Variants in FBXO11 observed in about 807,000 individuals in gnomAD.
FBXO11 encodes F-box protein 11, also known as F-box only protein 11.
In FBXO11, 13 loss-of-function variants were observed where a neutral mutation model predicts 117.0. The ratio of observed to expected loss-of-function variants is 0.11; its 90% CI spans 0.07 to 0.18. The LOEUF is 0.18. Among genes scored for constraint, FBXO11 ranks in the 10% least tolerant of loss-of-function variants. FBXO11 has a pLI of 1.00. For synonymous variants in FBXO11, 490 were observed against 380.5 expected (o/e 1.29, Z -3.35); for missense variants, 767 against 1,164.4 (o/e 0.66, Z 4.97).
At chr2:47,830,210 G>GA (rs765773790) in intron 11 of FBXO11, among the ~76,000 whole-genome samples, 1 of 151,858 alleles carries the variant, frequency 6.6e-6, no homozygotes, top group Non-Finnish European at 1.5e-5. Context: ...AAAGAAGAAA[G>GA]AAAAAAACCC....
chr2:47,848,736 C>G (rs1348548431), intron 1 of FBXO11, among the ~76,000 whole-genome samples: 1 of 152,076 alleles, frequency 6.6e-6, no homozygotes, highest in East Asian at 1.9e-4. Flanking sequence ...AAAAAATAAT[C>G]TCTGACATCT....
chr2:47,887,351 T>A (rs1298864194), intron 1 of FBXO11, among the ~76,000 whole-genome samples: 3 of 151,438 alleles, frequency 2.0e-5, no homozygotes, highest in Admixed American at 6.6e-5. Flanking sequence ...TTTTTTCTTT[T>A]CAAAAGAACC....
At chr2:47,884,689 A>G (rs1400174491) in intron 1 of FBXO11, among the ~76,000 whole-genome samples, 1 of 152,230 alleles carries the variant, frequency 6.6e-6, no homozygotes. Context: ...TGTTCCTTAC[A>G]GTGTAACTTC....
At chr2:47,846,661 A>C (rs554794668) in intron 1 of FBXO11, among the ~76,000 whole-genome samples, 1 of 152,318 alleles carries the variant, frequency 6.6e-6, no homozygotes, top group South Asian at 2.1e-4. Flanking sequence ...AATAGAACGC[A>C]ATCCACATAT....
At chr2:47,839,069 GTTT>G in intron 3 of FBXO11, 66 bp from the exon 4 acceptor site, 1 of 1,467,940 alleles carries the variant, frequency 6.8e-7, no homozygotes, top group East Asian at 2.4e-5. Flanking sequence ...AAAGAACACA[GTTT>G]TCATTTTATC....
chr2:47,847,633 CAGG>C (rs1282492067), intron 1 of FBXO11, among the ~76,000 whole-genome samples: 1 of 151,876 alleles, frequency 6.6e-6, no homozygotes, highest in African/African-American at 2.4e-5. Context: ...CGCTTGAACC[CAGG>C]AGGTTGCAGT....
intron 5 of FBXO11, among the ~76,000 whole-genome samples, chr2:47,835,084 T>C (rs776886752): frequency 1.7e-4 from 26 of 152,230 alleles, no homozygotes; most frequent in African/African-American, 6.0e-4. Context: ...AATCTCAGCA[T>C]TACTGATATT....
chr2:47,898,566 G>C (rs948264732), intron 1 of FBXO11, among the ~76,000 whole-genome samples: 2 of 152,170 alleles, frequency 1.3e-5, no homozygotes, highest in African/African-American at 4.8e-5. Context: ...TGTATAATGA[G>C]TGCTTAATGA....
At chr2:47,864,741 T>A (rs1675066068) in intron 1 of FBXO11, among the ~76,000 whole-genome samples, 1 of 152,192 alleles carries the variant, frequency 6.6e-6, no homozygotes, top group Admixed American at 6.5e-5. Context: ...ACTTACTCAC[T>A]AGGGCAATGA....
At chr2:47,818,582 G>A (rs781017944) in intron 16 of FBXO11, 197 bp downstream of exon 16, 4 of 517,620 alleles carry the variant, frequency 7.7e-6, no homozygotes, top group Non-Finnish European at 1.4e-5. Context: ...TATGGCACAT[G>A]TGCCAGTGGC....
chr2:47,897,234 T>C (rs1189735707), intron 1 of FBXO11, among the ~76,000 whole-genome samples: 2 of 152,144 alleles, frequency 1.3e-5, no homozygotes, highest in Admixed American at 6.5e-5. Flanking sequence ...GAATGGAAGA[T>C]AGAAAAATCA....
chr2:47,836,534 T>C (rs1212354332), intron 4 of FBXO11, among the ~76,000 whole-genome samples: 1 of 152,048 alleles, frequency 6.6e-6, no homozygotes, highest in African/African-American at 2.4e-5. Context: ...CAGGCTGGTC[T>C]CGAACTCTGG....
chr2:47,866,883 T>C (rs1675241234), intron 1 of FBXO11, among the ~76,000 whole-genome samples: 1 of 152,224 alleles, frequency 6.6e-6, no homozygotes, highest in African/African-American at 2.4e-5. Context: ...TGAGCCTTGA[T>C]CATCTTCAGA....
rs1424611048 is a variant in FBXO11 at position 47,902,105 on chromosome 2, T to C, written c.232+3384A>G. Among the ~76,000 whole-genome samples the C allele has an allele frequency of 2.6e-5, 4 of 151,982 alleles. No individual in the cohort carries two copies. In the East Asian group the frequency reaches 7.7e-4, roughly 29 times the overall value. On this transcript the variant is annotated intron_variant, in intron 1 of 22. Coordinates refer to ENST00000403359, the MANE Select transcript of FBXO11 (RefSeq NM_001190274.2). ...CGTGAGCCGCCATGCCTGGCTCATT[T>C]TTGTATTTCTAGTTAAGACGAGGTT... is the stretch of plus-strand genomic sequence containing the variant.
chr2:47,896,439 C>T (rs1284149886), intron 1 of FBXO11, among the ~76,000 whole-genome samples: 1 of 152,026 alleles, frequency 6.6e-6, no homozygotes, highest in East Asian at 1.9e-4. Flanking sequence ...AGATGATCCT[C>T]TCACCTCAAC....
Position 47,821,481 on chromosome 2 carries a change from G to A in FBXO11, c.1702+737C>T, listed in dbSNP as rs951428281. On this transcript the variant is annotated intron_variant, in intron 13 of 22. Transcript: ENST00000403359. ...AAAAATTAGCCGGGCGTGGTGGCGG[G>A]CGCCTGTAGTCCCAGCTACTTGGGA... is the stretch of plus-strand genomic sequence containing the variant. Among the ~76,000 whole-genome samples the A allele has an allele frequency of 3.9e-5, 6 of 152,244 alleles. No individual in the cohort carries two copies. In the South Asian group the frequency reaches 1.2e-3, roughly 32 times the overall value.
intron 1 of FBXO11, among the ~76,000 whole-genome samples, chr2:47,878,691 G>A (rs1676200575): frequency 1.3e-5 from 2 of 150,548 alleles, no homozygotes; most frequent in African/African-American, 4.9e-5. Flanking sequence ...GGAATGAAAG[G>A]TCTCAGCCAG....
chr2:47,833,918 T>A lies in FBXO11; in HGVS notation c.934+661A>T, dbSNP rs550274003. Among the ~76,000 whole-genome samples the A allele has an allele frequency of 5.3e-5, 8 of 151,908 alleles. No homozygotes were observed. In the South Asian group the frequency reaches 6.3e-4, roughly 12 times the overall value. On this transcript the variant is annotated intron_variant, in intron 7 of 22. Transcript: ENST00000403359. ...CCTGACCTGAAGCGATCCACCCACC[T>A]CAGCCTCCCAAACTACTGGGTTTAC... is the stretch of plus-strand genomic sequence containing the variant.
chr2:47,858,990 G>T (rs1472408538), intron 1 of FBXO11, among the ~76,000 whole-genome samples: 1 of 140,494 alleles, frequency 7.1e-6, no homozygotes, highest in Non-Finnish European at 1.5e-5. Flanking sequence ...AGTGAGCAGA[G>T]ATCGCGCCAC....
Sources: allele counts gnomAD v4.1 joint callset (sites outside exome capture counted in the v4.1 genomes callset), GRCh38; gene constraint gnomAD v4.1.1; transcripts MANE v1.5; gene names NCBI Gene and HGNC (gene_info 2026-07-23, HGNC 2026-07-21).